KAZN: variants seen among roughly 807,000 people sequenced by gnomAD.
The protein encoded by KAZN is kazrin, periplakin interacting protein.
Under a neutral mutation model 87.4 loss-of-function variants are expected in KAZN, and 40 were observed. The ratio of observed to expected loss-of-function variants is 0.46; its 90% CI spans 0.36 to 0.60. The LOEUF is 0.60. KAZN is among the 20% of genes least tolerant of loss of function. The probability of loss-of-function intolerance (pLI) is 0.00; values close to 1 mark genes in which losing one functional copy is unlikely to be tolerated. For synonymous variants in KAZN, 466 were observed against 458.3 expected, an observed-to-expected ratio of 1.02 and a Z score of -0.22; for missense variants, 898 against 1,073.9, an observed-to-expected ratio of 0.84 and a Z score of 2.29.
chr1:14,528,337 CA>C (rs33960231), intron 2 of KAZN, among the ~76,000 whole-genome samples: 5,628 of 49,124 alleles, frequency 0.11, 50 homozygotes, highest in Non-Finnish European at 0.15. Flanking sequence ...GACTCCATCT[CA>C]AAAAAAAAAA....
At chr1:14,922,755 G>A (rs1312671612) in intron 1 of KAZN, among the ~76,000 whole-genome samples, 3 of 139,692 alleles carry the variant, frequency 2.1e-5, no homozygotes, top group East Asian at 4.2e-4. Context: ...TCACACCACC[G>A]CACTCCAGGC....
At chr1:14,195,485 T>A (rs988373916) in intron 2 of KAZN, among the ~76,000 whole-genome samples, 2 of 147,546 alleles carry the variant, frequency 1.4e-5, no homozygotes, top group Non-Finnish European at 1.5e-5. Flanking sequence ...AAATCATCCA[T>A]CAGGGATTCC....
intron 1 of KAZN, among the ~76,000 whole-genome samples, chr1:14,765,853 T>C (rs963322938): frequency 2.6e-5 from 4 of 152,264 alleles, no homozygotes; most frequent in African/African-American, 7.2e-5. Context: ...TGGCAGTCCA[T>C]TGTGCTCAGG....
chr1:15,087,419 G>A (rs1335273546), intron 8 of KAZN, among the ~76,000 whole-genome samples: 1 of 149,074 alleles, frequency 6.7e-6, no homozygotes. Context: ...TTTTGACAGG[G>A]TCTTACTCTT....
intron 1 of KAZN, among the ~76,000 whole-genome samples, chr1:14,892,861 G>A (rs1297573404): frequency 6.6e-6 from 1 of 152,028 alleles, no homozygotes; most frequent in African/African-American, 2.4e-5. Context: ...AAAGCTTCCA[G>A]AAGAAAGGAA....
At chr1:13,991,104 T>C (rs1439118091) in intron 1 of KAZN, among the ~76,000 whole-genome samples, 1 of 152,032 alleles carries the variant, frequency 6.6e-6, no homozygotes, top group Non-Finnish European at 1.5e-5. Flanking sequence ...AAATCAGTGG[T>C]ATGCTGGTAA....
At chr1:14,223,393 T>G (rs1224995496) in intron 2 of KAZN, among the ~76,000 whole-genome samples, 1 of 152,148 alleles carries the variant, frequency 6.6e-6, no homozygotes, top group African/African-American at 2.4e-5. Flanking sequence ...TTATGTGCTG[T>G]CTATTTTGGG....
intron 1 of KAZN, among the ~76,000 whole-genome samples, chr1:14,082,059 G>A (rs560481259): frequency 2.6e-5 from 4 of 152,328 alleles, no homozygotes; most frequent in South Asian, 2.1e-4. Flanking sequence ...ACAGGCATGA[G>A]CCACTATGCC....
intron 2 of KAZN, among the ~76,000 whole-genome samples, chr1:14,245,288 G>T (rs1649395559): frequency 6.6e-6 from 1 of 152,010 alleles, no homozygotes; most frequent in Non-Finnish European, 1.5e-5. Context: ...GCATCAGGTT[G>T]GTAGTGTGTG....
At chr1:14,282,172 TG>T (rs1380506214) in intron 2 of KAZN, among the ~76,000 whole-genome samples, 2 of 152,222 alleles carry the variant, frequency 1.3e-5, no homozygotes, top group Non-Finnish European at 2.9e-5. Context: ...CTTTTACAGA[TG>T]TTTTGTCCAT....
At chr1:14,376,220 A>G (rs1660908453) in intron 2 of KAZN, among the ~76,000 whole-genome samples, 1 of 152,192 alleles carries the variant, frequency 6.6e-6, no homozygotes. Flanking sequence ...CTGTACATGC[A>G]TCATACCCAG....
At chr1:14,502,701 G>A (rs1216107872) in intron 2 of KAZN, among the ~76,000 whole-genome samples, 1 of 152,194 alleles carries the variant, frequency 6.6e-6, no homozygotes, top group African/African-American at 2.4e-5. Context: ...TATGTCCTGA[G>A]CACTGTGTGA....
chr1:14,171,734 C>A (rs1366927484), intron 1 of KAZN, among the ~76,000 whole-genome samples: 5 of 152,130 alleles, frequency 3.3e-5, no homozygotes, highest in African/African-American at 9.7e-5. Flanking sequence ...TGATATGACT[C>A]ATCTGGTATA....
chr1:14,734,487 A>G (rs930852645), intron 1 of KAZN, among the ~76,000 whole-genome samples: 8 of 151,654 alleles, frequency 5.3e-5, no homozygotes, highest in Admixed American at 2.6e-4. Flanking sequence ...TTTAATTATT[A>G]TTTTTAGTAG....
chr1:14,654,287 CAAA>C (rs140822403), intron 1 of KAZN, among the ~76,000 whole-genome samples: 5 of 80,336 alleles, frequency 6.2e-5, no homozygotes, highest in Admixed American at 1.5e-4. Flanking sequence ...GGCTTCGTCT[CAAA>C]AAAAAAAAAA....
intron 8 of KAZN, among the ~76,000 whole-genome samples, chr1:15,086,734 A>G (rs1640276385): frequency 6.6e-6 from 1 of 152,248 alleles, no homozygotes; most frequent in Non-Finnish European, 1.5e-5. Flanking sequence ...GGAAGTCAGG[A>G]GGAGTGAGCA....
intron 2 of KAZN, among the ~76,000 whole-genome samples, chr1:14,408,829 C>G (rs540337275): frequency 6.6e-6 from 1 of 151,472 alleles, no homozygotes; most frequent in East Asian, 2.0e-4. Flanking sequence ...CGAACAAGTA[C>G]ACAAATAAAT....
chr1:14,159,228 G>A (rs1645659563), intron 1 of KAZN, among the ~76,000 whole-genome samples: 1 of 152,224 alleles, frequency 6.6e-6, no homozygotes, highest in African/African-American at 2.4e-5. Context: ...ATGTCCAGAA[G>A]TGCTGTCTGG....
chr1:14,656,833 T>C, intron 1 of KAZN, among the ~76,000 whole-genome samples: 1 of 152,160 alleles, frequency 6.6e-6, no homozygotes, highest in South Asian at 2.1e-4. Flanking sequence ...ACACTGGAGA[T>C]TACAATTCAA....
Sources: gnomAD v4.1 joint callset for allele counts (sites outside exome capture counted in the v4.1 genomes callset) on GRCh38, gnomAD v4.1.1 for gene constraint, MANE v1.5 for transcripts, NCBI Gene and HGNC (gene_info 2026-07-23, HGNC 2026-07-21) for gene names.